The following C4orf51 variants were observed in gnomAD, a reference collection of about 807,000 sequenced individuals.
C4orf51 encodes the protein chromosome 4 open reading frame 51.
A neutral mutation model predicts 25.2 loss-of-function variants in C4orf51; 25 were observed. The ratio of observed to expected loss-of-function variants is 0.99; its 90% CI spans 0.72 to 1.39. The LOEUF (loss-of-function observed/expected upper bound fraction) is 1.39. Ranked by LOEUF, C4orf51 falls within the 40% of genes most tolerant of loss-of-function variation. The pLI is 0.00. For synonymous variants in C4orf51, 100 were observed against 84.5 expected, an observed-to-expected ratio of 1.18 and a Z score of -1.01; for missense variants, 252 against 239.6, an observed-to-expected ratio of 1.05 and a Z score of -0.34.
chr4:145,702,557 G>A (rs570991436), intron 2 of C4orf51, among the ~76,000 whole-genome samples: 1 of 152,108 alleles, frequency 6.6e-6, no homozygotes, highest in Non-Finnish European at 1.5e-5. Context: ...TACATGCCCT[G>A]CTCTTGTTTA....
intron 2 of C4orf51, among the ~76,000 whole-genome samples, chr4:145,719,709 T>C (rs1443170542): frequency 6.6e-6 from 1 of 152,096 alleles, no homozygotes; most frequent in Non-Finnish European, 1.5e-5. Context: ...GAATTACTAG[T>C]GCGTGGCACT....
the C4orf51 span, among the ~76,000 whole-genome samples, chr4:145,784,582 A>G: frequency 6.6e-6 from 1 of 152,160 alleles, no homozygotes; most frequent in African/African-American, 2.4e-5. Context: ...AAAACCTTAA[A>G]ACTTCTTTTA....
chr4:145,761,247 C>G lies in C4orf51; in HGVS notation n.167-9741C>G. The G allele has an allele frequency of 3.1e-6, 4 of 1,289,876 alleles. No individual in the cohort carries two copies. Among genetic ancestry groups the G allele is most frequent in the Non-Finnish European group, 4.0e-6 (4 of 988,882 alleles). The allele number at this position is 1,289,876 out of a possible 1,614,324, so 79.9% of individuals were successfully genotyped here. ...AGACGAAAGGGTGTGTGGTCTTGAACAGGCACTCTTCGCAGCTGAAGGTCT... is the reference window on the plus strand; with the variant it reads ...AGACGAAAGGGTGTGTGGTCTTGAAGAGGCACTCTTCGCAGCTGAAGGTCT... On this transcript the variant is annotated intron_variant and non_coding_transcript_variant, in intron 1 of 1. Coordinates refer to the C4orf51 transcript ENST00000510096. The surrounding 1 kb of genome is among the most constrained non-coding windows in gnomAD (Gnocchi z 6.8).
chr4:145,775,162 C>T (rs1044792281), downstream of C4orf51, among the ~76,000 whole-genome samples: 4 of 152,156 alleles, frequency 2.6e-5, no homozygotes, highest in Admixed American at 6.5e-5. Flanking sequence ...CTACTCTATC[C>T]GGGACAACTT....
At chr4:145,776,495 A>G in the C4orf51 span, among the ~76,000 whole-genome samples, 1 of 151,596 alleles carries the variant, frequency 6.6e-6, no homozygotes, top group Non-Finnish European at 1.5e-5. Context: ...TCCCAGGGCA[A>G]CTAGAATAGA....
chr4:145,733,587 G>A (rs887179422), downstream of C4orf51, among the ~76,000 whole-genome samples: 1 of 150,052 alleles, frequency 6.7e-6, no homozygotes, highest in South Asian at 2.2e-4. Flanking sequence ...TACCAAGACC[G>A]TCCTTCTCTT....
At chr4:145,756,548 T>C (rs1733966015), downstream of C4orf51, among the ~76,000 whole-genome samples, 1 of 152,198 alleles carries the variant, frequency 6.6e-6, no homozygotes, top group Non-Finnish European at 1.5e-5. Context: ...CTGATGATTA[T>C]TTTCTTTGTA....
chr4:145,683,861 C>T (rs1728980921), intron 1 of C4orf51, among the ~76,000 whole-genome samples: 1 of 152,132 alleles, frequency 6.6e-6, no homozygotes, highest in South Asian at 2.1e-4. Context: ...TTAGATACAA[C>T]ACCAAAGGTA....
intron 1 of C4orf51, among the ~76,000 whole-genome samples, chr4:145,738,428 C>T (rs888910485): frequency 1.4e-4 from 21 of 147,040 alleles, no homozygotes; most frequent in Admixed American, 1.2e-3. Context: ...CCAGCCTGGG[C>T]GACAGAGCGA....
At chr4:145,747,300 T>C (rs1055844724) in intron 1 of C4orf51, among the ~76,000 whole-genome samples, 3 of 152,156 alleles carry the variant, frequency 2.0e-5, no homozygotes, top group Non-Finnish European at 4.4e-5. Flanking sequence ...CTTTCAGTTT[T>C]TCCCCATTCA....
rs555828997 is a variant in C4orf51 at position 145,761,259 on chromosome 4, G to A, written n.167-9729G>A. The A allele has an allele frequency of 1.4e-5, 18 of 1,289,784 alleles. No individual in the cohort carries two copies. The highest frequency in any genetic ancestry group is 4.9e-5 in the South Asian group (4 of 81,040). The allele number at this position is 1,289,784 out of a possible 1,614,324, so 79.9% of individuals were successfully genotyped here. On this transcript the variant is annotated intron_variant and non_coding_transcript_variant, in intron 1 of 1. Coordinates refer to the C4orf51 transcript ENST00000510096. This position sits in a 1 kb window ranked among gnomAD's most constrained non-coding sequence, Gnocchi z 6.8. ...GTGTGGTCTTGAACAGGCACTCTTC[G>A]CAGCTGAAGGTCTGGCGTGGGGCGT...
At chr4:145,747,445 TA>T (rs1733432287) in intron 1 of C4orf51, among the ~76,000 whole-genome samples, 1 of 152,046 alleles carries the variant, frequency 6.6e-6, no homozygotes, top group Non-Finnish European at 1.5e-5. Flanking sequence ...TTTTCCGCAT[TA>T]ATCAAAATGA....
chr4:145,706,537 G>A (rs1730820279), intron 2 of C4orf51, among the ~76,000 whole-genome samples: 1 of 152,154 alleles, frequency 6.6e-6, no homozygotes, highest in Admixed American at 6.5e-5. Flanking sequence ...AGCTTTTATT[G>A]GCTTCATAAT....
chr4:145,757,746 C>T (rs1026277029), downstream of C4orf51: 1 of 151,528 alleles, frequency 6.6e-6, no homozygotes, highest in Non-Finnish European at 1.5e-5. Flanking sequence ...CAAAATGACC[C>T]TGTACAGCCT....
At position 145,729,351 on chromosome 4, in the gene C4orf51, A is replaced by G. The variant is rs567251083; in HGVS notation, c.427+122A>G. 2.4e-3 allele frequency: 1,380 copies of G among 564,590 alleles called. 8 individuals carry two copies. Among genetic ancestry groups the G allele is most frequent in the Non-Finnish European group, 3.3e-3 (1,147 of 346,082 alleles). 35.0% of individuals were successfully genotyped at this position (564,590 alleles called of 1,614,324 possible). A position where few individuals can be genotyped will look rare whatever the true frequency, so the allele number is the denominator to read the frequency against. ...TGGAGTCTCACACTCTCCCAGGCTGACGTGCAGTGGCGCGATCTCGGCTCA... is the reference window on the plus strand; with the variant it reads ...TGGAGTCTCACACTCTCCCAGGCTGGCGTGCAGTGGCGCGATCTCGGCTCA... On this transcript the variant is annotated intron_variant, in intron 4 of 5. Transcript: ENST00000438731.
In C4orf51 at chr4:145,751,750, C is replaced by G. The variant is rs576922250; in HGVS notation, n.168-2457C>G. On this transcript the variant is annotated intron_variant and non_coding_transcript_variant, in intron 1 of 1. Transcript: ENST00000508981. ...TCAGTGAGTTCCCCCAGGACCCAGG[C>G]AGGCCCAGAGATGCTCTTCAGGAGT... Among the ~76,000 whole-genome samples the G allele has an allele frequency of 9.8e-5, 15 of 152,338 alleles. No homozygotes were observed. The South Asian group carries it at 3.1e-3, about 32-fold the overall frequency.
intron 2 of C4orf51, among the ~76,000 whole-genome samples, chr4:145,719,938 G>A (rs1731638761): frequency 6.6e-6 from 1 of 152,170 alleles, no homozygotes; most frequent in Admixed American, 6.5e-5. Context: ...GTGGCCTGAG[G>A]CTGGGGAAGG....
intron 2 of C4orf51, among the ~76,000 whole-genome samples, chr4:145,702,077 A>G (rs1304581475): frequency 3.3e-5 from 5 of 152,222 alleles, no homozygotes; most frequent in Admixed American, 6.5e-5. Flanking sequence ...CTCAACGCCA[A>G]TATCCCATCC....
intron 2 of C4orf51, among the ~76,000 whole-genome samples, chr4:145,697,893 T>C (rs1730175426): frequency 6.6e-6 from 1 of 152,258 alleles, no homozygotes. Flanking sequence ...TTGGATCATA[T>C]AGTAATTCTA....
Sources: allele counts gnomAD v4.1 joint callset (sites outside exome capture counted in the v4.1 genomes callset), GRCh38; gene constraint gnomAD v4.1.1; non-coding constraint Gnocchi (gnomAD v3.1); transcripts MANE v1.5; gene names NCBI Gene and HGNC (gene_info 2026-07-23, HGNC 2026-07-21).